Variants in SVOPL observed in about 807,000 individuals in gnomAD.
SVOPL encodes the protein putative transporter SVOPL.
SVOPL carries 60 observed loss-of-function variants against 61.0 expected under a neutral mutation model. That is an observed-to-expected ratio of 0.98 (90% CI 0.80 to 1.22). The LOEUF is 1.22. SVOPL is among the 50% of genes most tolerant of loss of function. SVOPL has a pLI of 0.00. For missense variants in SVOPL, 662 were observed against 643.9 expected (o/e 1.03, Z -0.30); for synonymous variants, 279 against 250.0 (o/e 1.12, Z -1.09).
chr7:138,664,497 C>T (rs1299564172), intron 4 of SVOPL, among the ~76,000 whole-genome samples: 4 of 148,334 alleles, frequency 2.7e-5, no homozygotes, highest in Non-Finnish European at 3.0e-5. Flanking sequence ...TGGGCAAGCC[C>T]CTGACCCTTT....
intron 1 of SVOPL, among the ~76,000 whole-genome samples, chr7:138,683,669 G>A (rs887130833): frequency 1.3e-5 from 2 of 151,958 alleles, no homozygotes; most frequent in African/African-American, 4.8e-5. Context: ...GTGCCTGGCA[G>A]TTGTGAGATG....
intron 1 of SVOPL, chr7:138,689,452 C>CTTT: frequency 9.1e-7 from 1 of 1,096,274 alleles, no homozygotes; most frequent in Non-Finnish European, 1.4e-6. Flanking sequence ...CAGATTGTTC[C>CTTT]TAAACCAGAA....
At position 138,648,973 on chromosome 7, in the gene SVOPL, G is replaced by T. The variant is rs183474660; in HGVS notation, c.660+39C>A. The T allele has an allele frequency of 1.9e-4, 301 of 1,612,438 alleles. No homozygotes were observed. The East Asian group carries it at 5.6e-3, about 30-fold the overall frequency. On this transcript the variant is annotated intron_variant, in intron 8 of 15. Transcript: ENST00000674285. ...GGGCATGAAGGCCACTGGACCAGCA[G>T]GAGGAGGGGACAGGAAGGAGCCACA...
chr7:138,609,764 G>A lies in SVOPL; in HGVS notation c.1353+11282C>T, dbSNP rs184899064. Among the ~76,000 whole-genome samples, 7 of 151,726 alleles carry A rather than the reference G, an allele frequency of 4.6e-5. No homozygotes were observed. In the East Asian group the frequency reaches 7.8e-4, roughly 17 times the overall value. ...GGGGTGGGGAGAGGGATAGAGTCTC[G>A]TTCTGCTGCCCAGGATGGAATGCAG... On this transcript the variant is annotated intron_variant, in intron 14 of 15. Transcript: ENST00000674285.
intron 14 of SVOPL, among the ~76,000 whole-genome samples, chr7:138,620,635 C>T (rs965863882): frequency 1.3e-5 from 2 of 152,048 alleles, no homozygotes; most frequent in African/African-American, 4.8e-5. Context: ...CACACCACCT[C>T]CCTGCCCCTC....
intron 5 of SVOPL, chr7:138,662,019 G>C: frequency 2.0e-6 from 2 of 985,446 alleles, no homozygotes; most frequent in African/African-American, 1.7e-5. Context: ...GTTTCACTGG[G>C]GGCAAAAGGG....
intron 1 of SVOPL, among the ~76,000 whole-genome samples, chr7:138,692,759 G>A (rs1004619404): frequency 1.3e-5 from 2 of 152,212 alleles, no homozygotes; most frequent in Non-Finnish European, 2.9e-5. Flanking sequence ...ATAAAAAAAG[G>A]GGCTGTTTAT....
intron 4 of SVOPL, among the ~76,000 whole-genome samples, chr7:138,665,289 G>T (rs531711226): frequency 6.7e-6 from 1 of 150,298 alleles, no homozygotes; most frequent in Non-Finnish European, 1.5e-5. Flanking sequence ...ATTAACAACC[G>T]CTTAGAAAAC....
At chr7:138,615,384 G>A (rs899962213) in intron 14 of SVOPL, among the ~76,000 whole-genome samples, 2 of 152,020 alleles carry the variant, frequency 1.3e-5, no homozygotes, top group African/African-American at 2.4e-5. Flanking sequence ...AGTGAAACCC[G>A]GTCTCTACTA....
chr7:138,634,418 G>T (rs1035415917), intron 9 of SVOPL, among the ~76,000 whole-genome samples: 15 of 151,854 alleles, frequency 9.9e-5, no homozygotes. Context: ...CAAGGTGGAA[G>T]GATCACCTGG....
At chr7:138,696,205 A>G (rs926835739) in intron 1 of SVOPL, among the ~76,000 whole-genome samples, 3 of 151,796 alleles carry the variant, frequency 2.0e-5, no homozygotes, top group African/African-American at 7.3e-5. Context: ...AGTGCTCCCT[A>G]TGCCAGGCAG....
chr7:138,666,231 G>T (rs1802257313), intron 4 of SVOPL, among the ~76,000 whole-genome samples: 1 of 152,184 alleles, frequency 6.6e-6, no homozygotes, highest in Non-Finnish European at 1.5e-5. Flanking sequence ...CATGGCACAG[G>T]AATTCCCAGA....
chr7:138,678,670 A>G (rs1016249629), intron 2 of SVOPL, 145 bp from the exon 3 acceptor site: 208 of 753,738 alleles, frequency 2.8e-4, no homozygotes, highest in Admixed American at 8.0e-5. Context: ...CTACTGGTCC[A>G]AGCAATTCTC....
intron 9 of SVOPL, among the ~76,000 whole-genome samples, chr7:138,638,524 G>A (rs1363116088): frequency 6.6e-6 from 1 of 152,110 alleles, no homozygotes; most frequent in African/African-American, 2.4e-5. Flanking sequence ...TAGCTTGCGA[G>A]GTCAAGATTG....
chr7:138,605,522 C>T (rs1328839997), intron 14 of SVOPL, among the ~76,000 whole-genome samples: 2 of 150,908 alleles, frequency 1.3e-5, no homozygotes, highest in Non-Finnish European at 1.5e-5. Context: ...ATTAGCTGAG[C>T]GTGGTGGCAG....
intron 14 of SVOPL, among the ~76,000 whole-genome samples, chr7:138,614,366 T>G (rs563800020): frequency 6.6e-6 from 1 of 151,404 alleles, no homozygotes; most frequent in Non-Finnish European, 1.5e-5. Context: ...CAAGGCTAGT[T>G]CCGCTGAATT....
chr7:138,661,114 A>T, intron 5 of SVOPL: 4 of 985,430 alleles, frequency 4.1e-6, no homozygotes, highest in Non-Finnish European at 4.8e-6. Context: ...TTTAAAACAT[A>T]CAGCCAATTC....
chr7:138,661,216 G>A, intron 5 of SVOPL: 5 of 985,344 alleles, frequency 5.1e-6, no homozygotes, highest in Non-Finnish European at 6.0e-6. Context: ...ACAGACCTGG[G>A]TTTGTAATCA....
chr7:138,693,554 A>AAAGAAAGAAAG (rs1802994879), intron 1 of SVOPL, among the ~76,000 whole-genome samples: 1 of 139,750 alleles, frequency 7.2e-6, no homozygotes, highest in Non-Finnish European at 1.5e-5. Context: ...AGAAAGAAAG[A>AAAGAAAGAAAG]AAGAAAGAAA....
Sources: allele counts gnomAD v4.1 joint callset (sites outside exome capture counted in the v4.1 genomes callset), GRCh38; gene constraint gnomAD v4.1.1; transcripts MANE v1.5; gene names NCBI Gene and HGNC (gene_info 2026-07-23, HGNC 2026-07-21).